Variants in SHROOM3 observed in about 807,000 individuals in gnomAD.
SHROOM3 encodes the protein shroom family member 3.
A neutral mutation model predicts 138.6 loss-of-function variants in SHROOM3; 47 were observed. The observed-to-expected ratio is 0.34, with a 90% CI of 0.27 to 0.43. The LOEUF (loss-of-function observed/expected upper bound fraction) is 0.43. SHROOM3 is among the 20% of genes least tolerant of loss of function. The pLI is 1.00. For synonymous variants in SHROOM3, 1,062 were observed against 1,063.3 expected, an observed-to-expected ratio of 1.00 and a Z score of 0.02; for missense variants, 2,491 against 2,596.5, an observed-to-expected ratio of 0.96 and a Z score of 0.88.
chr4:76,568,116 TTCGGTGTGGTA>T (rs1353980313), intron 2 of SHROOM3, among the ~76,000 whole-genome samples: 1 of 152,158 alleles, frequency 6.6e-6, no homozygotes, highest in Non-Finnish European at 1.5e-5. Context: ...AGGGATTTTG[TTCGGTGTGGTA>T]TCCGCAGTGC....
intron 3 of SHROOM3, among the ~76,000 whole-genome samples, chr4:76,730,058 CCTGACT>C (rs1490357755): frequency 1.3e-5 from 2 of 152,214 alleles, no homozygotes; most frequent in Non-Finnish European, 2.9e-5. Flanking sequence ...GCAGCTCTCT[CCTGACT>C]CTGACTTTCT....
chr4:76,485,871 C>T (rs1731718537), intron 1 of SHROOM3, among the ~76,000 whole-genome samples: 1 of 152,098 alleles, frequency 6.6e-6, no homozygotes, highest in Non-Finnish European at 1.5e-5. Flanking sequence ...AAAAACTAAA[C>T]AGAACAACTA....
At chr4:76,559,315 G>A (rs903771010) in intron 2 of SHROOM3, 11 of 152,212 alleles carry the variant, frequency 7.2e-5, no homozygotes, top group East Asian at 5.8e-4. Context: ...GCCTCTTTGC[G>A]CTGGATTAAT....
intron 2 of SHROOM3, among the ~76,000 whole-genome samples, chr4:76,674,458 A>G (rs1288177977): frequency 1.3e-5 from 2 of 151,790 alleles, no homozygotes; most frequent in African/African-American, 4.8e-5. Flanking sequence ...GTCCTCTAAT[A>G]GCAGGAAGCA....
chr4:76,567,519 G>A, intron 2 of SHROOM3, among the ~76,000 whole-genome samples: 1 of 152,136 alleles, frequency 6.6e-6, no homozygotes, highest in African/African-American at 2.4e-5. Flanking sequence ...GCGTCGTGGT[G>A]AGCGCCTGTA....
At chr4:76,712,727 A>G (rs754439731) in intron 3 of SHROOM3, among the ~76,000 whole-genome samples, 1 of 152,220 alleles carries the variant, frequency 6.6e-6, no homozygotes, top group Non-Finnish European at 1.5e-5. Flanking sequence ...TGTATGTGTC[A>G]TATCTCTACA....
intron 2 of SHROOM3, among the ~76,000 whole-genome samples, chr4:76,608,033 C>G (rs1236343842): frequency 6.6e-6 from 1 of 152,186 alleles, no homozygotes; most frequent in Non-Finnish European, 1.5e-5. Flanking sequence ...CAACCCACCC[C>G]TACTTCACTG....
At chr4:76,452,541 A>C (rs1467869925) in intron 1 of SHROOM3, among the ~76,000 whole-genome samples, 1 of 152,244 alleles carries the variant, frequency 6.6e-6, no homozygotes, top group Admixed American at 6.5e-5. Flanking sequence ...TTCAAGATTC[A>C]TTCACATTGT....
At chr4:76,628,618 C>T (rs1029279228) in intron 2 of SHROOM3, among the ~76,000 whole-genome samples, 1 of 151,794 alleles carries the variant, frequency 6.6e-6, no homozygotes, top group African/African-American at 2.4e-5. Flanking sequence ...AAATCCCTGC[C>T]TTAGTTGAGA....
At chr4:76,567,182 C>A (rs1020654359) in intron 2 of SHROOM3, among the ~76,000 whole-genome samples, 10 of 152,130 alleles carry the variant, frequency 6.6e-5, no homozygotes, top group African/African-American at 2.4e-4. Context: ...TTATTGTTTA[C>A]GTAGGAAGGT....
intron 2 of SHROOM3, among the ~76,000 whole-genome samples, chr4:76,606,007 A>ATATT (rs1734611107): frequency 4.0e-4 from 31 of 77,816 alleles, no homozygotes; most frequent in Non-Finnish European, 6.0e-4. Context: ...ATATATATAT[A>ATATT]TTTTTTTTTT....
At chr4:76,457,987 G>T (rs150516365) in intron 1 of SHROOM3, among the ~76,000 whole-genome samples, 1,525 of 151,906 alleles carry the variant, frequency 0.01, 73 homozygotes, top group Admixed American at 0.09. Context: ...GTAGAGACAG[G>T]GTTTCATGTG....
intron 2 of SHROOM3, among the ~76,000 whole-genome samples, chr4:76,618,109 G>A (rs1734922597): frequency 6.6e-6 from 1 of 152,132 alleles, no homozygotes; most frequent in Non-Finnish European, 1.5e-5. Flanking sequence ...AAACCAGCTT[G>A]GGCAACACAG....
intron 2 of SHROOM3, among the ~76,000 whole-genome samples, chr4:76,631,849 A>G (rs1420788613): frequency 6.6e-6 from 1 of 152,204 alleles, no homozygotes; most frequent in Non-Finnish European, 1.5e-5. Context: ...GCAGAGAGGG[A>G]GACCAGTTAT....
intron 10 of SHROOM3, among the ~76,000 whole-genome samples, chr4:76,775,737 CATACT>C (rs1722534967): frequency 1.3e-5 from 2 of 150,614 alleles, no homozygotes; most frequent in South Asian, 4.2e-4. Context: ...CATATATACA[CATACT>C]ATATATATAC....
At chr4:76,614,509 C>A (rs994649252) in intron 2 of SHROOM3, among the ~76,000 whole-genome samples, 5 of 151,986 alleles carry the variant, frequency 3.3e-5, no homozygotes, top group Non-Finnish European at 7.4e-5. Context: ...TTTTGGGATA[C>A]ATGTGCAGAA....
intron 1 of SHROOM3, among the ~76,000 whole-genome samples, chr4:76,471,527 C>T (rs1001666315): frequency 6.6e-6 from 1 of 152,182 alleles, no homozygotes; most frequent in African/African-American, 2.4e-5. Flanking sequence ...CAGGCATGAG[C>T]CACCGCGCCC....
chr4:76,447,776 C>G (rs1331444557), intron 1 of SHROOM3, among the ~76,000 whole-genome samples: 2 of 152,142 alleles, frequency 1.3e-5, no homozygotes, highest in African/African-American at 4.8e-5. Context: ...TTCATAGTTG[C>G]ATGGTGTTGC....
chr4:76,651,743 T>C (rs1411986825), intron 2 of SHROOM3, among the ~76,000 whole-genome samples: 1 of 152,120 alleles, frequency 6.6e-6, no homozygotes, highest in East Asian at 1.9e-4. Context: ...AGTAGAAGCC[T>C]CCTCCTTACA....
Sources: gnomAD v4.1 joint callset for allele counts (sites outside exome capture counted in the v4.1 genomes callset) on GRCh38, gnomAD v4.1.1 for gene constraint, MANE v1.5 for transcripts, NCBI Gene and HGNC (gene_info 2026-07-23, HGNC 2026-07-21) for gene names.